The following NME7 variants were observed in gnomAD, a reference collection of about 807,000 sequenced individuals.
NME7 encodes NME/NM23 family member 7.
A neutral mutation model predicts 49.1 loss-of-function variants in NME7; 41 were observed. That is an observed-to-expected ratio of 0.83 (90% CI 0.65 to 1.08). NME7 has a LOEUF of 1.08. NME7 is among the 50% of genes least tolerant of loss of function. NME7 has a pLI of 0.00. For synonymous variants in NME7, 139 were observed against 150.6 expected, an observed-to-expected ratio of 0.92 and a Z score of 0.56; for missense variants, 423 against 463.4, an observed-to-expected ratio of 0.91 and a Z score of 0.80.
chr1:169,188,694 G>C (rs955419429), intron 10 of NME7, among the ~76,000 whole-genome samples: 4 of 152,168 alleles, frequency 2.6e-5, no homozygotes, highest in African/African-American at 9.7e-5. Flanking sequence ...GATTGCTTAA[G>C]GGAACACAAC....
At chr1:169,332,908 T>C (rs1652312855) in intron 1 of NME7, among the ~76,000 whole-genome samples, 1 of 152,022 alleles carries the variant, frequency 6.6e-6, no homozygotes, top group African/African-American at 2.4e-5. Flanking sequence ...GGAGAACAGT[T>C]TGAAGGTTTC....
chr1:169,332,217 GA>G (rs1652284595), intron 1 of NME7, among the ~76,000 whole-genome samples: 1 of 152,068 alleles, frequency 6.6e-6, no homozygotes, highest in South Asian at 2.1e-4. Flanking sequence ...ATACACTGGG[GA>G]AAAGACAGCC....
intron 1 of NME7, among the ~76,000 whole-genome samples, chr1:169,353,985 CAGTTT>C (rs1451128445): frequency 2.0e-5 from 3 of 152,208 alleles, no homozygotes; most frequent in South Asian, 4.1e-4. Flanking sequence ...CTATTGAGAA[CAGTTT>C]AGAGCTTCTT....
intron 7 of NME7, among the ~76,000 whole-genome samples, chr1:169,279,600 C>A (rs1449584709): frequency 1.3e-5 from 2 of 152,174 alleles, no homozygotes; most frequent in African/African-American, 4.8e-5. Flanking sequence ...CACCCCTTTC[C>A]TTGACCAGGA....
At chr1:169,265,153 C>T (rs1233237607) in intron 7 of NME7, among the ~76,000 whole-genome samples, 2 of 132,936 alleles carry the variant, frequency 1.5e-5, no homozygotes, top group Non-Finnish European at 3.5e-5. Context: ...ATAGGAACCA[C>T]AATTCAAGAT....
chr1:169,179,907 A>G (rs1288251210), intron 10 of NME7, among the ~76,000 whole-genome samples: 2 of 151,964 alleles, frequency 1.3e-5, no homozygotes, highest in Non-Finnish European at 2.9e-5. Flanking sequence ...TGTGCAGCAA[A>G]CCACCACGGA....
At chr1:169,142,042 A>G (rs1271269561) in intron 11 of NME7, among the ~76,000 whole-genome samples, 1 of 152,200 alleles carries the variant, frequency 6.6e-6, no homozygotes, top group African/African-American at 2.4e-5. Context: ...TAAGTCATGA[A>G]GTTGGTAGGA....
At chr1:169,176,751 G>C (rs954649539) in intron 10 of NME7, among the ~76,000 whole-genome samples, 3 of 151,842 alleles carry the variant, frequency 2.0e-5, no homozygotes, top group African/African-American at 7.3e-5. Context: ...TAAAAGAATT[G>C]GGCATTCTTC....
At chr1:169,290,953 C>T (rs1650476285) in intron 6 of NME7, among the ~76,000 whole-genome samples, 1 of 152,238 alleles carries the variant, frequency 6.6e-6, no homozygotes, top group South Asian at 2.1e-4. Flanking sequence ...ATCAAAACCA[C>T]AATGAGATAC....
chr1:169,348,896 C>CAA (rs34701797), intron 1 of NME7, among the ~76,000 whole-genome samples: 50,212 of 147,290 alleles, frequency 0.34, 9,821 homozygotes, highest in Non-Finnish European at 0.44. Context: ...AGAGTTAACT[C>CAA]AAAAAAAAAA....
intron 11 of NME7, among the ~76,000 whole-genome samples, chr1:169,146,560 C>A (rs1658761477): frequency 6.6e-6 from 1 of 152,140 alleles, no homozygotes; most frequent in African/African-American, 2.4e-5. Flanking sequence ...GGAGTCATAT[C>A]AAATCCAAGA....
chr1:169,305,287 AG>A (rs1486035258), intron 4 of NME7, among the ~76,000 whole-genome samples: 1 of 152,198 alleles, frequency 6.6e-6, no homozygotes, highest in Non-Finnish European at 1.5e-5. Flanking sequence ...GTTTTTATGA[AG>A]AAACTAACCA....
chr1:169,287,249 TA>T, intron 7 of NME7, 53 bp downstream of exon 7: 1 of 1,323,160 alleles, frequency 7.6e-7, no homozygotes. Flanking sequence ...ATCAAGAAAA[TA>T]AACATTGCTC....
intron 10 of NME7, among the ~76,000 whole-genome samples, chr1:169,222,390 A>G (rs1328755698): frequency 2.0e-5 from 3 of 152,212 alleles, no homozygotes; most frequent in South Asian, 4.1e-4. Context: ...TTGAAGGGCA[A>G]CTATGAAGTC....
At chr1:169,144,821 T>C (rs1157089194) in intron 11 of NME7, among the ~76,000 whole-genome samples, 2 of 152,138 alleles carry the variant, frequency 1.3e-5, no homozygotes, top group Admixed American at 1.3e-4. Flanking sequence ...AGCAATTTGT[T>C]TATTATACAA....
intron 6 of NME7, among the ~76,000 whole-genome samples, chr1:169,296,171 C>A (rs755309605): frequency 5.3e-5 from 8 of 152,106 alleles, no homozygotes; most frequent in African/African-American, 7.2e-5. Context: ...AAAAAGTTGT[C>A]TATATTCACT....
At chr1:169,140,331 G>A (rs1316477912) in intron 11 of NME7, among the ~76,000 whole-genome samples, 1 of 152,078 alleles carries the variant, frequency 6.6e-6, no homozygotes, top group Non-Finnish European at 1.5e-5. Flanking sequence ...GAAGAATTGA[G>A]TTTTATTCTA....
At chr1:169,200,309 T>A (rs1660510503) in intron 10 of NME7, among the ~76,000 whole-genome samples, 1 of 152,086 alleles carries the variant, frequency 6.6e-6, no homozygotes, top group African/African-American at 2.4e-5. Flanking sequence ...CAAGAAGATA[T>A]CTTCCCTCCA....
chr1:169,239,190 A>G (rs1187012951), intron 7 of NME7, among the ~76,000 whole-genome samples: 1 of 152,036 alleles, frequency 6.6e-6, no homozygotes, highest in Non-Finnish European at 1.5e-5. Context: ...GAAGAAAAGA[A>G]TAAGTAGTGG....
Sources: gnomAD v4.1 joint callset for allele counts (sites outside exome capture counted in the v4.1 genomes callset) on GRCh38, gnomAD v4.1.1 for gene constraint, MANE v1.5 for transcripts, NCBI Gene and HGNC (gene_info 2026-07-23, HGNC 2026-07-21) for gene names.